The following UCHL5 variants were observed in gnomAD, a reference collection of about 807,000 sequenced individuals.
UCHL5 encodes ubiquitin carboxyl-terminal hydrolase isozyme L5.
Under a neutral mutation model 53.8 loss-of-function variants are expected in UCHL5, and 34 were observed. The observed-to-expected ratio is 0.63, with a 90% confidence interval of 0.48 to 0.84. The LOEUF (loss-of-function observed/expected upper bound fraction) is 0.84. Ranked by LOEUF, UCHL5 falls within the 40% of genes least tolerant of loss-of-function variation. UCHL5 has a pLI of 0.00. For missense variants in UCHL5, 290 were observed against 385.6 expected (o/e 0.75, Z 2.08); for synonymous variants, 111 against 126.3 (o/e 0.88, Z 0.81).
At chr1:193,045,526 C>G (rs1204829871) in intron 3 of UCHL5, among the ~76,000 whole-genome samples, 4 of 152,200 alleles carry the variant, frequency 2.6e-5, no homozygotes, top group Non-Finnish European at 5.9e-5. Context: ...CCTACTTTGC[C>G]TACCACCATG....
chr1:193,049,327 C>T (rs1039361957), intron 3 of UCHL5, among the ~76,000 whole-genome samples: 22 of 152,030 alleles, frequency 1.4e-4, no homozygotes, highest in Admixed American at 2.6e-4. Context: ...GGCAGGAGAA[C>T]GGCTTGAACC....
At chr1:193,035,108 T>C (rs1215389861) in intron 3 of UCHL5, among the ~76,000 whole-genome samples, 2 of 151,892 alleles carry the variant, frequency 1.3e-5, no homozygotes, top group African/African-American at 2.4e-5. Context: ...TTATACCTGA[T>C]ATGGTCATTT....
intron 10 of UCHL5, among the ~76,000 whole-genome samples, chr1:193,017,397 A>G (rs925701395): frequency 1.5e-4 from 23 of 151,762 alleles, no homozygotes; most frequent in African/African-American, 5.6e-4. Flanking sequence ...ATTTAACAGT[A>G]TGATAAAACA....
At chr1:193,051,700 A>G in intron 2 of UCHL5, 54 bp downstream of exon 2, 1 of 1,076,856 alleles carries the variant, frequency 9.3e-7, no homozygotes, top group Admixed American at 2.4e-5. Context: ...AATATCCTTT[A>G]AGTTTGTTAA....
rs371122161 is a variant in UCHL5 at position 193,051,373 on chromosome 1, T to C, written c.140+381A>G. 2.4e-4 allele frequency among the ~76,000 whole-genome samples: 36 copies of C among 152,052 alleles called. No individual in the cohort carries two copies. In the East Asian group the frequency reaches 2.7e-3, roughly 11 times the overall value. Reference sequence around the variant, plus strand: ...CAAGTTCTGGATTACTATAAATATATATTATCTATCAAATATGCTTTAGTA... The same window carrying C: ...CAAGTTCTGGATTACTATAAATATACATTATCTATCAAATATGCTTTAGTA... On this transcript the variant is annotated intron_variant, in intron 2 of 10. Transcript: ENST00000367454.
chr1:193,027,839 T>C, intron 7 of UCHL5: 1 of 1,295,402 alleles, frequency 7.7e-7, no homozygotes, highest in Non-Finnish European at 1.0e-6. Context: ...AAGTAGATGT[T>C]TGGCTGGGCA....
rs531294396 is a variant in UCHL5, at chr1:193,016,051, T to G, written c.*300A>C. 1.7e-4 allele frequency: 53 copies of G among 317,420 alleles called. 1 individual carries two copies. The South Asian group carries it at 4.2e-3, about 25-fold the overall frequency. The allele number at this position is 317,420 out of a possible 1,614,324, so 19.7% of individuals were successfully genotyped here. On this transcript the variant is annotated 3_prime_UTR_variant, in exon 11 of 11. Coordinates refer to ENST00000367454, the MANE Select transcript of UCHL5 (RefSeq NM_001199261.3). ...AATTACAGATAAGGAATATCGTTTGTGCATTTTCTAGCTTCATATGGTAGT... is the reference window on the plus strand; with the variant it reads ...AATTACAGATAAGGAATATCGTTTGGGCATTTTCTAGCTTCATATGGTAGT...
chr1:193,042,178 T>C (rs994789141), intron 3 of UCHL5, among the ~76,000 whole-genome samples: 1 of 151,388 alleles, frequency 6.6e-6, no homozygotes, highest in African/African-American at 2.4e-5. Context: ...TAAAATTTTA[T>C]TTACAAACAC....
chr1:193,030,970 T>C (rs912660377), intron 3 of UCHL5, among the ~76,000 whole-genome samples: 4 of 152,184 alleles, frequency 2.6e-5, no homozygotes, highest in African/African-American at 9.6e-5. Flanking sequence ...TCTACAATTC[T>C]TCTCTTTAAG....
intron 3 of UCHL5, among the ~76,000 whole-genome samples, chr1:193,038,722 A>C (rs1373056642): frequency 2.0e-5 from 3 of 152,166 alleles, no homozygotes; most frequent in African/African-American, 4.8e-5. Flanking sequence ...ATAACCAAGC[A>C]CAGTAGCTCA....
chr1:193,051,854 A>G (rs1669154141), intron 1 of UCHL5, 37 bp from the exon 2 acceptor site: 2 of 1,465,860 alleles, frequency 1.4e-6, no homozygotes, highest in Admixed American at 2.1e-5. Flanking sequence ...TAAACAGGAT[A>G]ATTCATTTTT....
chr1:193,015,313 C>A lies in UCHL5; in HGVS notation c.*1038G>T, dbSNP rs1280665605. 1 of 151,844 alleles carries A rather than the reference C, an allele frequency of 6.6e-6. No individual in the cohort carries two copies. The highest frequency in any genetic ancestry group is 6.6e-5 in the Admixed American group (1 of 15,240). 9.4% of individuals were successfully genotyped at this position (151,844 alleles called of 1,614,324 possible). On this transcript the variant is annotated 3_prime_UTR_variant, in exon 11 of 11. Transcript: ENST00000367454. ...GTCATGTATCAACCTCAGAAATATTCTTGATAAAGAAAAAAGTAGGTTACT... is the reference window on the plus strand; with the variant it reads ...GTCATGTATCAACCTCAGAAATATTATTGATAAAGAAAAAAGTAGGTTACT...
At position 193,059,055 on chromosome 1, in the gene UCHL5, C is replaced by A; in HGVS notation, c.76+130G>T. On this transcript the variant is annotated intron_variant, in intron 1 of 10. Coordinates refer to ENST00000367454, the MANE Select transcript of UCHL5 (RefSeq NM_001199261.3). The surrounding 1 kb of genome is among the most constrained non-coding windows in gnomAD (Gnocchi z 4.9). ...GAGGGCAGAACATCTACATTTCCCC[C>A]ACCCGGACTCCAGGTTCCTGAAGTC... The A allele has an allele frequency of 1.1e-6, 1 of 902,178 alleles. No homozygotes were observed. The allele number at this position is 902,178 out of a possible 1,614,324, so 55.9% of individuals were successfully genotyped here.
Position 193,029,463 on chromosome 1 carries a change from T to A in UCHL5, c.373-14A>T. On this transcript the variant is annotated splice_polypyrimidine_tract_variant and intron_variant, in intron 4 of 10. Transcript: ENST00000367454. ...CAAGCCTTTCATCTAAAATAATTTT[T>A]TAAAGTAGCCTATTAATATACAAAC... The A allele has an allele frequency of 2.5e-6, 4 of 1,613,526 alleles. No homozygotes were observed. The highest frequency in any genetic ancestry group is 3.4e-6 in the Non-Finnish European group (4 of 1,179,744).
chr1:193,012,267 T>C lies in UCHL5; in HGVS notation c.*4084A>G, dbSNP rs1157123692. ...CATGAGACTTTCCCCACTGGTTTTA[T>C]GGTTTATTCAATATTATATTATCAT... On this transcript the variant is annotated 3_prime_UTR_variant, in exon 11 of 11. Coordinates refer to ENST00000367454, the MANE Select transcript of UCHL5 (RefSeq NM_001199261.3). 1.3e-5 allele frequency: 2 copies of C among 152,198 alleles called. No homozygotes were observed. The highest frequency in any genetic ancestry group is 2.1e-4 in the South Asian group (1 of 4,834). 9.4% of individuals were successfully genotyped at this position (152,198 alleles called of 1,614,324 possible).
chr1:193,041,289 T>TA (rs1217592024), intron 3 of UCHL5, among the ~76,000 whole-genome samples: 4 of 151,874 alleles, frequency 2.6e-5, no homozygotes, highest in Middle Eastern at 3.4e-3. Context: ...AAATTTTTTT[T>TA]AAAAAAAGCA....
intron 7 of UCHL5, 118 bp from the exon 8 acceptor site, chr1:193,024,064 G>T: frequency 2.7e-6 from 2 of 754,702 alleles, no homozygotes; most frequent in Non-Finnish European, 4.1e-6. Context: ...TCTATCAATT[G>T]GCTAGCAATA....
chr1:193,012,794 A>T lies in UCHL5; in HGVS notation c.*3557T>A, dbSNP rs1654352638. ...GAGAGCAGGGGCTTTTTCCTGTTAT[A>T]CTATCCTCTAGCATCTAGAACAACT... On this transcript the variant is annotated 3_prime_UTR_variant, in exon 11 of 11. Transcript: ENST00000367454. 1 of 152,190 alleles carries T rather than the reference A, an allele frequency of 6.6e-6. No homozygotes were observed. The highest frequency in any genetic ancestry group is 1.5e-5 in the Non-Finnish European group (1 of 68,032). The allele number at this position is 152,190 out of a possible 1,614,324, so 9.4% of individuals were successfully genotyped here.
At position 193,014,573 on chromosome 1, in the gene UCHL5, C is replaced by T. The variant is rs1294168944; in HGVS notation, c.*1778G>A. ...CTGTTTTCAGTTAAAAAGCTTCATA[C>T]TTTTAAAATATTACATTTAGGTCTA... On this transcript the variant is annotated 3_prime_UTR_variant, in exon 11 of 11. Coordinates refer to ENST00000367454, the MANE Select transcript of UCHL5 (RefSeq NM_001199261.3). 6.6e-6 allele frequency: 1 copy of T among 152,050 alleles called. No individual in the cohort carries two copies. Among genetic ancestry groups the T allele is most frequent in the African/African-American group, 2.4e-5 (1 of 41,420 alleles). 9.4% of individuals were successfully genotyped at this position (152,050 alleles called of 1,614,324 possible). A position where few individuals can be genotyped will look rare whatever the true frequency, so the allele number is the denominator to read the frequency against.
Sources: allele counts gnomAD v4.1 joint callset (sites outside exome capture counted in the v4.1 genomes callset), GRCh38; gene constraint gnomAD v4.1.1; non-coding constraint Gnocchi (gnomAD v3.1); transcripts MANE v1.5; gene names NCBI Gene and HGNC (gene_info 2026-07-23, HGNC 2026-07-21).